The following ST8SIA2 variants were observed in gnomAD, a reference collection of about 807,000 sequenced individuals.
ST8SIA2 encodes the protein alpha-2,8-sialyltransferase 8B.
A neutral mutation model predicts 37.6 loss-of-function variants in ST8SIA2; 22 were observed. The ratio of observed to expected loss-of-function variants is 0.58; its 90% confidence interval spans 0.42 to 0.83. The LOEUF is 0.83. Ranked by LOEUF, ST8SIA2 falls within the 40% of genes least tolerant of loss-of-function variation. ST8SIA2 has a pLI of 0.00. For missense variants in ST8SIA2, 382 were observed against 484.7 expected, an observed-to-expected ratio of 0.79 and a Z score of 1.99; for synonymous variants, 205 against 201.2, an observed-to-expected ratio of 1.02 and a Z score of -0.16.
At chr15:92,435,203 A>G (rs2049747809) in intron 3 of ST8SIA2, among the ~76,000 whole-genome samples, 1 of 152,236 alleles carries the variant, frequency 6.6e-6, no homozygotes, top group Non-Finnish European at 1.5e-5. Flanking sequence ...GTGGTATGAC[A>G]TACACATGAG....
chr15:92,404,214 G>C (rs2049491231), intron 1 of ST8SIA2, among the ~76,000 whole-genome samples: 2 of 152,192 alleles, frequency 1.3e-5, no homozygotes, highest in Admixed American at 6.5e-5. Context: ...ATATAATTCA[G>C]GACATTGGGC....
chr15:92,464,160 C>T lies in ST8SIA2; in HGVS notation c.903C>T (p.Thr301=). The T allele has an allele frequency of 6.2e-7, 1 of 1,608,936 alleles. No homozygotes were observed. Among genetic ancestry groups the T allele is most frequent in the Non-Finnish European group, 8.5e-7 (1 of 1,177,648 alleles). The change falls in exon 6 of 6, where the codon ACC becomes ACT. Residue 301 remains threonine, a synonymous_variant. Transcript: ENST00000268164. ...CCACCACCGGCCTCTTGATGTATAC[C>T]CTGGCCACACGTTTCTGCAAACAAA... ...KRPTTGLLMY[T]LATRFCKQIY... is the part of the protein sequence containing the mutation.
Position 92,398,091 on chromosome 15 carries a change from G to A in ST8SIA2, c.98+3929G>A, listed in dbSNP as rs539771086. Among the ~76,000 whole-genome samples the A allele has an allele frequency of 4.6e-5, 7 of 152,178 alleles. No homozygotes were observed. The East Asian group carries it at 5.8e-4, about 13-fold the overall frequency. On this transcript the variant is annotated intron_variant, in intron 1 of 5. Transcript: ENST00000268164. ...AGAGGTTGCAGTGAGCCAAGATCAC[G>A]CCATTGCACTCCAGCCTGGGCGACA...
At chr15:92,424,367 C>T (rs557297720) in intron 1 of ST8SIA2, among the ~76,000 whole-genome samples, 67 of 152,086 alleles carry the variant, frequency 4.4e-4, no homozygotes, top group Admixed American at 7.2e-4. Context: ...TACACAGTTA[C>T]GAATTTTCAA....
At chr15:92,441,396 G>A (rs888919902) in intron 4 of ST8SIA2, among the ~76,000 whole-genome samples, 14 of 152,168 alleles carry the variant, frequency 9.2e-5, no homozygotes, top group Admixed American at 4.6e-4. Context: ...GCATGGATCC[G>A]GCAGGGCACT....
intron 5 of ST8SIA2, among the ~76,000 whole-genome samples, chr15:92,458,935 C>T (rs1026508567): frequency 6.6e-6 from 1 of 152,138 alleles, no homozygotes; most frequent in South Asian, 2.1e-4. Flanking sequence ...AGAACAAAGG[C>T]AATATTTCCA....
chr15:92,432,684 A>C lies in ST8SIA2; in HGVS notation c.162-1563A>C, dbSNP rs1415120465. 4.6e-5 allele frequency among the ~76,000 whole-genome samples: 7 copies of C among 152,204 alleles called. No individual in the cohort carries two copies. In the East Asian group the frequency reaches 1.3e-3, roughly 29 times the overall value. ...TCCTCTGCCTTACTCAAAACTCGTC[A>C]ATTCTCTATCCTCTGCGAAGTTACA... On this transcript the variant is annotated intron_variant, in intron 2 of 5. Coordinates refer to ENST00000268164, the MANE Select transcript of ST8SIA2 (RefSeq NM_006011.4).
chr15:92,427,652 A>C (rs1018830306), intron 1 of ST8SIA2, among the ~76,000 whole-genome samples: 6 of 152,054 alleles, frequency 3.9e-5, no homozygotes, highest in Non-Finnish European at 7.4e-5. Context: ...TGTTCTTACC[A>C]GTTTCTTGTG....
chr15:92,416,146 G>A (rs1193208780), intron 1 of ST8SIA2, among the ~76,000 whole-genome samples: 1 of 149,242 alleles, frequency 6.7e-6, no homozygotes, highest in African/African-American at 2.5e-5. Flanking sequence ...AGGCACAGGA[G>A]AGATTCATGG....
chr15:92,431,453 T>A (rs567595057), intron 2 of ST8SIA2, among the ~76,000 whole-genome samples: 1 of 152,344 alleles, frequency 6.6e-6, no homozygotes, highest in East Asian at 1.9e-4. Context: ...TGTAAGAATC[T>A]ATCTAACCCA....
chr15:92,441,271 G>A (rs2049799579), intron 4 of ST8SIA2, among the ~76,000 whole-genome samples: 1 of 152,200 alleles, frequency 6.6e-6, no homozygotes, highest in Admixed American at 6.5e-5. Flanking sequence ...CTCCTAGGGA[G>A]TCCAGGGCAG....
intron 1 of ST8SIA2, chr15:92,421,215 G>A (rs764803703): frequency 6.6e-6 from 1 of 152,198 alleles, no homozygotes; most frequent in Non-Finnish European, 1.5e-5. Context: ...TGGGCCGGCA[G>A]TGCAGGAGTT....
intron 1 of ST8SIA2, among the ~76,000 whole-genome samples, chr15:92,397,756 G>C (rs1166774614): frequency 6.6e-6 from 1 of 152,188 alleles, no homozygotes; most frequent in East Asian, 1.9e-4. Context: ...GGCACACAAG[G>C]CATTCAATAA....
At chr15:92,448,647 A>G (rs917202395) in intron 5 of ST8SIA2, among the ~76,000 whole-genome samples, 4 of 152,192 alleles carry the variant, frequency 2.6e-5, no homozygotes, top group Non-Finnish European at 5.9e-5. Context: ...AATCGTGCCT[A>G]CTGTGATTGT....
chr15:92,448,825 C>T (rs551050558), intron 5 of ST8SIA2, among the ~76,000 whole-genome samples: 32 of 152,220 alleles, frequency 2.1e-4, no homozygotes, highest in South Asian at 4.2e-4. Context: ...TTAAACCAGT[C>T]ACTCATGAGT....
At chr15:92,402,871 G>GAC (rs1555450906) in intron 1 of ST8SIA2, among the ~76,000 whole-genome samples, 11 of 151,264 alleles carry the variant, frequency 7.3e-5, no homozygotes, top group South Asian at 4.2e-4. Flanking sequence ...GAGAGAGAGA[G>GAC]ACACACTGAG....
chr15:92,438,267 A>C, intron 3 of ST8SIA2, 86 bp from the exon 4 acceptor site: 1 of 1,601,432 alleles, frequency 6.2e-7, no homozygotes, highest in Non-Finnish European at 8.6e-7. Context: ...GCCACCGTGC[A>C]GGGCGACCCT....
At chr15:92,448,468 G>A (rs2049858131) in intron 5 of ST8SIA2, among the ~76,000 whole-genome samples, 1 of 152,242 alleles carries the variant, frequency 6.6e-6, no homozygotes, top group Admixed American at 6.5e-5. Context: ...GGATTGTAGA[G>A]AGGAAGGCTG....
intron 1 of ST8SIA2, among the ~76,000 whole-genome samples, chr15:92,418,724 G>T (rs565363049): frequency 6.6e-6 from 1 of 152,254 alleles, no homozygotes; most frequent in East Asian, 1.9e-4. Context: ...TATTCAAACG[G>T]TATAGAAAAA....
Sources: gnomAD v4.1 joint callset for allele counts (sites outside exome capture counted in the v4.1 genomes callset) on GRCh38, gnomAD v4.1.1 for gene constraint, MANE v1.5 for transcripts, NCBI Gene and HGNC (gene_info 2026-07-23, HGNC 2026-07-21) for gene names.